Variants in EXOC6B observed in about 807,000 individuals in gnomAD.
The protein encoded by EXOC6B is SEC15 homolog B.
In EXOC6B, 54 loss-of-function variants were observed where a neutral mutation model predicts 113.5. The ratio of observed to expected loss-of-function variants is 0.48; its 90% CI spans 0.38 to 0.60. The LOEUF (loss-of-function observed/expected upper bound fraction) is 0.60, where lower values mean the gene tolerates loss of function less well. Ranked by LOEUF, EXOC6B falls within the 20% of genes least tolerant of loss-of-function variation. The pLI is 0.00. For synonymous variants in EXOC6B, 357 were observed against 339.0 expected (o/e 1.05, Z -0.58); for missense variants, 797 against 977.5 (o/e 0.82, Z 2.46).
At chr2:72,453,226 G>T (rs1209719419) in intron 18 of EXOC6B, among the ~76,000 whole-genome samples, 1 of 152,034 alleles carries the variant, frequency 6.6e-6, no homozygotes, top group Non-Finnish European at 1.5e-5. Flanking sequence ...GTAAAAAGGG[G>T]CTACTTCGCA....
intron 19 of EXOC6B, among the ~76,000 whole-genome samples, chr2:72,342,306 C>A (rs1046097449): frequency 6.6e-6 from 1 of 151,826 alleles, no homozygotes; most frequent in Non-Finnish European, 1.5e-5. Context: ...TAGAAAAGAT[C>A]AATAAAACTA....
intron 18 of EXOC6B, among the ~76,000 whole-genome samples, chr2:72,448,380 G>A (rs1191191078): frequency 6.6e-6 from 1 of 152,026 alleles, no homozygotes; most frequent in Non-Finnish European, 1.5e-5. Flanking sequence ...TAGGTGATTA[G>A]GTAATTATTT....
intron 13 of EXOC6B, among the ~76,000 whole-genome samples, chr2:72,497,385 T>C (rs905545051): frequency 3.3e-5 from 5 of 152,152 alleles, no homozygotes; most frequent in Admixed American, 6.5e-5. Flanking sequence ...CTGCTCTATA[T>C]CAAGGATGAC....
chr2:72,279,207 C>A (rs1013121047), intron 20 of EXOC6B, among the ~76,000 whole-genome samples: 2 of 152,198 alleles, frequency 1.3e-5, no homozygotes, highest in African/African-American at 4.8e-5. Flanking sequence ...TCAGGGCTAA[C>A]CTGGATCTAG....
chr2:72,208,705 C>A (rs1559017084), intron 20 of EXOC6B, among the ~76,000 whole-genome samples: 1 of 152,128 alleles, frequency 6.6e-6, no homozygotes. Context: ...CAGAATGAAA[C>A]CCAGGGTACC....
At chr2:72,333,590 G>A (rs1688525813) in intron 20 of EXOC6B, among the ~76,000 whole-genome samples, 1 of 152,122 alleles carries the variant, frequency 6.6e-6, no homozygotes, top group Non-Finnish European at 1.5e-5. Context: ...AAACCTGAAT[G>A]TCTCAGTTGA....
chr2:72,589,038 G>T (rs905562230), intron 6 of EXOC6B, among the ~76,000 whole-genome samples: 4 of 151,884 alleles, frequency 2.6e-5, no homozygotes, highest in African/African-American at 9.7e-5. Flanking sequence ...ACAAAAGGCA[G>T]TGACGCCAAG....
chr2:72,384,822 AT>A (rs1691902441), intron 18 of EXOC6B, among the ~76,000 whole-genome samples: 1 of 152,084 alleles, frequency 6.6e-6, no homozygotes, highest in Admixed American at 6.6e-5. Flanking sequence ...AAATATTTGT[AT>A]ATTTAAAAGT....
At chr2:72,469,211 C>T (rs1698247039) in intron 17 of EXOC6B, among the ~76,000 whole-genome samples, 1 of 152,068 alleles carries the variant, frequency 6.6e-6, no homozygotes. Context: ...GATAGTTTCA[C>T]TGCCCTAAAA....
chr2:72,775,639 T>A (rs1267503391), intron 1 of EXOC6B, among the ~76,000 whole-genome samples: 1 of 152,072 alleles, frequency 6.6e-6, no homozygotes. Flanking sequence ...GCTGAGATGC[T>A]GAGAAAAAGA....
chr2:72,611,434 A>T (rs1407779486), intron 6 of EXOC6B, among the ~76,000 whole-genome samples: 1 of 152,126 alleles, frequency 6.6e-6, no homozygotes, highest in Non-Finnish European at 1.5e-5. Context: ...ACCTAAAGAG[A>T]CTGACAAGAC....
At chr2:72,400,764 A>G (rs979491558) in intron 18 of EXOC6B, among the ~76,000 whole-genome samples, 2 of 152,042 alleles carry the variant, frequency 1.3e-5, no homozygotes, top group African/African-American at 2.4e-5. Flanking sequence ...CAGTCAAAAT[A>G]ACTATTATTA....
At chr2:72,481,939 T>C (rs1299899165) in intron 16 of EXOC6B, among the ~76,000 whole-genome samples, 2 of 152,192 alleles carry the variant, frequency 1.3e-5, no homozygotes, top group African/African-American at 2.4e-5. Flanking sequence ...TTTCCTACAC[T>C]GTTTTCCCAA....
chr2:72,719,406 C>G (rs1207121138), intron 5 of EXOC6B, among the ~76,000 whole-genome samples: 1 of 152,082 alleles, frequency 6.6e-6, no homozygotes, highest in Admixed American at 6.6e-5. Flanking sequence ...AATAAAAGAC[C>G]TACAGAAGGG....
chr2:72,210,711 A>G (rs1440943528), intron 20 of EXOC6B, among the ~76,000 whole-genome samples: 2 of 152,230 alleles, frequency 1.3e-5, no homozygotes, highest in African/African-American at 4.8e-5. Context: ...CTCCAGGCAC[A>G]GTGCCCGTGG....
At chr2:72,555,893 G>A (rs570061256) in intron 8 of EXOC6B, among the ~76,000 whole-genome samples, 1 of 152,212 alleles carries the variant, frequency 6.6e-6, no homozygotes, top group Admixed American at 6.5e-5. Context: ...CAATCCACCT[G>A]TCTCAGCCTC....
At chr2:72,192,646 C>T (rs1678920049) in intron 20 of EXOC6B, among the ~76,000 whole-genome samples, 1 of 152,084 alleles carries the variant, frequency 6.6e-6, no homozygotes, top group African/African-American at 2.4e-5. Context: ...GTAGTATGAG[C>T]TAAGGTAGGC....
At chr2:72,686,607 A>G (rs946385321) in intron 6 of EXOC6B, among the ~76,000 whole-genome samples, 1 of 152,182 alleles carries the variant, frequency 6.6e-6, no homozygotes, top group Non-Finnish European at 1.5e-5. Context: ...TAAGCAAGAT[A>G]CTGAATTCTT....
intron 20 of EXOC6B, among the ~76,000 whole-genome samples, chr2:72,202,800 T>C (rs370976460): frequency 6.6e-6 from 1 of 152,202 alleles, no homozygotes; most frequent in Non-Finnish European, 1.5e-5. Context: ...TGAAGATCTC[T>C]TTAGCAGCTA....
Sources: allele counts gnomAD v4.1 joint callset (sites outside exome capture counted in the v4.1 genomes callset), GRCh38; gene constraint gnomAD v4.1.1; transcripts MANE v1.5; gene names NCBI Gene and HGNC (gene_info 2026-07-23, HGNC 2026-07-21).